Variants in SPECC1 observed in about 807,000 individuals in gnomAD.
SPECC1 encodes cytospin-B.
SPECC1 carries 62 observed loss-of-function variants against 104.1 expected under a neutral mutation model. The observed-to-expected ratio is 0.60, with a 90% CI of 0.49 to 0.74. The LOEUF is 0.74. Among genes scored for constraint, SPECC1 ranks in the 30% least tolerant of loss-of-function variants. SPECC1 has a pLI of 0.00. For missense variants in SPECC1, 1,306 were observed against 1,310.5 expected (o/e 1.00, Z 0.05); for synonymous variants, 513 against 501.6 (o/e 1.02, Z -0.30).
At chr17:20,062,892 T>A (rs1453653947) in intron 1 of SPECC1, among the ~76,000 whole-genome samples, 3 of 152,042 alleles carry the variant, frequency 2.0e-5, no homozygotes, top group Non-Finnish European at 4.4e-5. Flanking sequence ...TTCGTCATGT[T>A]GGCCAGGCTG....
chr17:20,123,446 C>T (rs1405567845), intron 3 of SPECC1, among the ~76,000 whole-genome samples: 2 of 152,170 alleles, frequency 1.3e-5, no homozygotes, highest in Non-Finnish European at 2.9e-5. Flanking sequence ...ATACCTGGAC[C>T]CCTGCATGCT....
chr17:20,230,331 A>T (rs1410572155), intron 5 of SPECC1, among the ~76,000 whole-genome samples: 1 of 152,232 alleles, frequency 6.6e-6, no homozygotes. Flanking sequence ...GACAGTTGAC[A>T]GCACCTGCCC....
At chr17:20,221,426 AG>A (rs759846682) in intron 4 of SPECC1, among the ~76,000 whole-genome samples, 1 of 152,124 alleles carries the variant, frequency 6.6e-6, no homozygotes, top group Non-Finnish European at 1.5e-5. Context: ...CATTTCTTCT[AG>A]GTTTTCCAAT....
chr17:20,047,234 T>C (rs2045573461), intron 1 of SPECC1, among the ~76,000 whole-genome samples: 1 of 152,218 alleles, frequency 6.6e-6, no homozygotes, highest in Non-Finnish European at 1.5e-5. Flanking sequence ...ATGCGTGACA[T>C]TCTAACTTGG....
At chr17:20,188,523 T>C (rs2151270688) in intron 3 of SPECC1, among the ~76,000 whole-genome samples, 1 of 152,272 alleles carries the variant, frequency 6.6e-6, no homozygotes. Flanking sequence ...GTGATCTGCC[T>C]GCCTTGGCCT....
In SPECC1 at chr17:20,194,502, A is replaced by ATTTTT. The variant is rs1209589252; in HGVS notation, c.284-9812_284-9808dup. Among the ~76,000 whole-genome samples, 226 of 86,522 alleles carry ATTTTT rather than the reference A, an allele frequency of 2.6e-3. 15 individuals are homozygous for ATTTTT. The highest frequency in any genetic ancestry group is 9.1e-3 in the African/African-American group (170 of 18,726). The allele number at this position is 86,522 out of a possible 152,430, so 56.8% of individuals were successfully genotyped here. ...TGTGTTCTGTTAGAAAAGAGAACGAATTTTTTTTTTTTTTTTTTTTTTTGA... is the reference window on the plus strand; with the variant it reads ...TGTGTTCTGTTAGAAAAGAGAACGAATTTTTTTTTTTTTTTTTTTTTTTTTTTTGA... On this transcript the variant is annotated intron_variant, in intron 3 of 14. Coordinates refer to ENST00000395527, the MANE Select transcript of SPECC1 (RefSeq NM_001243439.2).
chr17:20,100,489 A>G (rs942098819), intron 2 of SPECC1, among the ~76,000 whole-genome samples: 1 of 152,192 alleles, frequency 6.6e-6, no homozygotes, highest in Non-Finnish European at 1.5e-5. Flanking sequence ...CAGACACCAT[A>G]GACCACCACC....
At chr17:20,296,907 G>A (rs1185589268) in intron 12 of SPECC1, 54 bp from the exon 13 acceptor site, 2 of 1,507,696 alleles carry the variant, frequency 1.3e-6, no homozygotes, top group East Asian at 2.3e-5. Context: ...CCTCATCTGT[G>A]ATACTGCACA....
At chr17:20,074,106 G>C (rs1175805347) in intron 1 of SPECC1, among the ~76,000 whole-genome samples, 1 of 152,100 alleles carries the variant, frequency 6.6e-6, no homozygotes, top group African/African-American at 2.4e-5. Context: ...CATTCCTTTT[G>C]CCAAGTGTGG....
intron 3 of SPECC1, among the ~76,000 whole-genome samples, chr17:20,163,972 G>A (rs191228739): frequency 7.2e-5 from 11 of 152,256 alleles, no homozygotes; most frequent in East Asian, 1.9e-4. Flanking sequence ...GGTTGACCCT[G>A]TAACTCTTTA....
intron 1 of SPECC1, among the ~76,000 whole-genome samples, chr17:20,045,158 AT>A (rs946571204): frequency 6.6e-5 from 10 of 151,748 alleles, no homozygotes; most frequent in Non-Finnish European, 7.4e-5. Context: ...CACACACTAG[AT>A]TTTTTTTTCC....
In SPECC1 at chr17:20,315,514, C is replaced by A. The variant is rs1370061897; in HGVS notation, c.*1449C>A. 4.3e-6 allele frequency: 1 copy of A among 232,744 alleles called. No homozygotes were observed. The highest frequency in any genetic ancestry group is 8.5e-6 in the Non-Finnish European group (1 of 117,818). The allele number at this position is 232,744 out of a possible 1,614,324, so 14.4% of individuals were successfully genotyped here. On this transcript the variant is annotated 3_prime_UTR_variant, in exon 15 of 15. Transcript: ENST00000395527. Reference sequence around the variant, plus strand: ...GGAAATGGGTAATGCCCATCCCTTGCTGTTTTAAGTGCCAAATAGCGTGTT... The same window carrying A: ...GGAAATGGGTAATGCCCATCCCTTGATGTTTTAAGTGCCAAATAGCGTGTT...
intron 1 of SPECC1, among the ~76,000 whole-genome samples, chr17:20,081,981 A>G (rs1461201564): frequency 6.6e-6 from 1 of 152,090 alleles, no homozygotes; most frequent in Non-Finnish European, 1.5e-5. Context: ...TCCATCACAG[A>G]TGATACTGAG....
intron 3 of SPECC1, among the ~76,000 whole-genome samples, chr17:20,165,597 G>A (rs2033581356): frequency 6.6e-6 from 1 of 152,180 alleles, no homozygotes; most frequent in African/African-American, 2.4e-5. Flanking sequence ...TGAGTCAAAT[G>A]GCATTTCTGG....
intron 3 of SPECC1, among the ~76,000 whole-genome samples, chr17:20,158,573 GTCT>G (rs1172674705): frequency 6.6e-6 from 1 of 152,198 alleles, no homozygotes; most frequent in Admixed American, 6.5e-5. Flanking sequence ...CATTAGAGGG[GTCT>G]CAGGTTGGGC....
At chr17:20,241,604 T>TA (rs1442794614) in intron 7 of SPECC1, among the ~76,000 whole-genome samples, 1 of 152,202 alleles carries the variant, frequency 6.6e-6, no homozygotes, top group East Asian at 1.9e-4. Context: ...ACGTCAATGA[T>TA]ACTCGACTAC....
intron 3 of SPECC1, among the ~76,000 whole-genome samples, chr17:20,167,352 A>G (rs1041295471): frequency 4.6e-5 from 7 of 152,080 alleles, no homozygotes; most frequent in African/African-American, 1.7e-4. Flanking sequence ...GGACAGAAAA[A>G]TATTCTTGGA....
At chr17:20,155,534 A>G (rs1445196104) in intron 3 of SPECC1, 2 of 152,272 alleles carry the variant, frequency 1.3e-5, no homozygotes, top group South Asian at 2.1e-4. Context: ...ATTATTAGCC[A>G]TAGTATTCAT....
At chr17:20,169,457 AT>A (rs1434461773) in intron 3 of SPECC1, among the ~76,000 whole-genome samples, 8 of 152,084 alleles carry the variant, frequency 5.3e-5, no homozygotes, top group African/African-American at 1.9e-4. Context: ...AGATAGAATG[AT>A]TTGATGGATT....
Sources: gnomAD v4.1 joint callset for allele counts (sites outside exome capture counted in the v4.1 genomes callset) on GRCh38, gnomAD v4.1.1 for gene constraint, MANE v1.5 for transcripts, NCBI Gene and HGNC (gene_info 2026-07-23, HGNC 2026-07-21) for gene names.